Variants in CACNA2D3 observed in about 807,000 individuals in gnomAD.
CACNA2D3 encodes calcium voltage-gated channel auxiliary subunit alpha2delta 3.
A neutral mutation model predicts 160.6 loss-of-function variants in CACNA2D3; 60 were observed. That is an observed-to-expected ratio of 0.37 (90% CI 0.30 to 0.46). The LOEUF (loss-of-function observed/expected upper bound fraction) is 0.46. Among genes scored for constraint, CACNA2D3 ranks in the 20% least tolerant of loss-of-function variants. The pLI, the probability that CACNA2D3 is intolerant of heterozygous loss-of-function variation, is 1.00. For synonymous variants in CACNA2D3, 558 were observed against 492.9 expected, an observed-to-expected ratio of 1.13 and a Z score of -1.75; for missense variants, 1,205 against 1,365.0, an observed-to-expected ratio of 0.88 and a Z score of 1.85.
chr3:54,383,843 C>CT (rs1415571931), intron 3 of CACNA2D3, among the ~76,000 whole-genome samples: 5 of 152,146 alleles, frequency 3.3e-5, no homozygotes, highest in Admixed American at 3.3e-4. Context: ...TTATCAGATG[C>CT]TTTCCAGTGT....
intron 13 of CACNA2D3, among the ~76,000 whole-genome samples, chr3:54,790,706 A>C (rs1478393296): frequency 2.0e-5 from 3 of 152,034 alleles, no homozygotes; most frequent in Non-Finnish European, 4.4e-5. Flanking sequence ...CCACCTTCCA[A>C]GTTCATTGTC....
rs187011768 is a variant in CACNA2D3, at chr3:54,229,587, G to A, written c.205-90855G>A. ...TGGCCTCAGGTGATCCTCTCACCTC[G>A]GCCTCCGAAAGCGCTGGGATTATAG... On this transcript the variant is annotated intron_variant, in intron 2 of 37. Coordinates refer to ENST00000474759, the MANE Select transcript of CACNA2D3 (RefSeq NM_018398.3). Among the ~76,000 whole-genome samples the A allele has an allele frequency of 9.2e-5, 14 of 151,938 alleles. No individual in the cohort carries two copies. The East Asian group carries it at 1.9e-3, about 21-fold the overall frequency.
chr3:54,525,555 A>G (rs1701712303), intron 5 of CACNA2D3, among the ~76,000 whole-genome samples: 1 of 152,110 alleles, frequency 6.6e-6, no homozygotes, highest in South Asian at 2.1e-4. Flanking sequence ...TAATATCTTT[A>G]TTCTATATTC....
chr3:54,404,606 C>G (rs1055221544), intron 4 of CACNA2D3, among the ~76,000 whole-genome samples: 2 of 152,000 alleles, frequency 1.3e-5, no homozygotes, highest in African/African-American at 4.8e-5. Context: ...CACTACTATT[C>G]AACATAGTAC....
intron 11 of CACNA2D3, among the ~76,000 whole-genome samples, chr3:54,748,413 T>C (rs1412681526): frequency 6.6e-6 from 1 of 152,172 alleles, no homozygotes; most frequent in African/African-American, 2.4e-5. Flanking sequence ...GTTTGTTCCA[T>C]TGGGGAAGTT....
intron 13 of CACNA2D3, among the ~76,000 whole-genome samples, chr3:54,771,548 G>A (rs1338489663): frequency 6.6e-6 from 1 of 152,080 alleles, no homozygotes; most frequent in Non-Finnish European, 1.5e-5. Flanking sequence ...TGTCAGCTGG[G>A]GACCACTCCC....
intron 27 of CACNA2D3, among the ~76,000 whole-genome samples, chr3:54,950,571 A>G (rs543389061): frequency 6.6e-6 from 1 of 152,186 alleles, no homozygotes; most frequent in Non-Finnish European, 1.5e-5. Context: ...CAGCAATTCA[A>G]AGAATGCTGC....
chr3:54,126,692 T>C lies in CACNA2D3; in HGVS notation c.204+3098T>C, dbSNP rs187445667. 1.0e-3 allele frequency among the ~76,000 whole-genome samples: 154 copies of C among 152,220 alleles called. 2 individuals are homozygous for C. Among genetic ancestry groups the C allele is most frequent in the Non-Finnish European group, 3.7e-4 (25 of 68,014 alleles). ...TGGGACTTGTCTGTGGGCGCTGGAG[T>C]TCATCTTGAGGGGTTTTAGATGCTG... On this transcript the variant is annotated intron_variant, in intron 2 of 37. Coordinates refer to ENST00000474759, the MANE Select transcript of CACNA2D3 (RefSeq NM_018398.3).
Position 54,801,322 on chromosome 3 carries a change from C to T in CACNA2D3, c.1381-15531C>T, listed in dbSNP as rs180814136. Among the ~76,000 whole-genome samples, 512 of 152,040 alleles carry T rather than the reference C, an allele frequency of 3.4e-3. 3 individuals carry two copies. Among genetic ancestry groups the T allele is most frequent in the African/African-American group, 0.011 (472 of 41,476 alleles). ...TTTAAAAATGAAGGTGTTGGCTTGG[C>T]GGGGGTGGTACAATGAACATCAGAA... On this transcript the variant is annotated intron_variant, in intron 13 of 37. Coordinates refer to ENST00000474759, the MANE Select transcript of CACNA2D3 (RefSeq NM_018398.3).
chr3:54,122,837 T>G lies in CACNA2D3; in HGVS notation c.122+2T>G. The G allele has an allele frequency of 1.6e-6, 2 of 1,228,734 alleles. No homozygotes were observed. Among genetic ancestry groups the G allele is most frequent in the Non-Finnish European group, 2.0e-6 (2 of 980,356 alleles). 76.1% of individuals were successfully genotyped at this position (1,228,734 alleles called of 1,614,324 possible). On this transcript the variant is annotated splice_donor_variant, in intron 1 of 37. Transcript: ENST00000474759. LOFTEE classifies it high-confidence loss of function. ...GGAGCAGCAGATACCGCTCTCCGTG[T>G]AAGTGCCGGCTCCTGCGCCGCCCGG...
intron 21 of CACNA2D3, among the ~76,000 whole-genome samples, chr3:54,882,371 C>CCTCT (rs139886978): frequency 6.6e-6 from 1 of 150,700 alleles, no homozygotes; most frequent in African/African-American, 2.4e-5. Context: ...TCCCTCCCTT[C>CCTCT]CTCTCTCTCT....
At chr3:55,022,367 T>C (rs1474386208) in intron 35 of CACNA2D3, among the ~76,000 whole-genome samples, 1 of 152,264 alleles carries the variant, frequency 6.6e-6, no homozygotes, top group African/African-American at 2.4e-5. Context: ...GCACTAGGAT[T>C]TTGTTTTATA....
At chr3:54,872,071 C>G (rs1699547844) in intron 18 of CACNA2D3, among the ~76,000 whole-genome samples, 1 of 152,216 alleles carries the variant, frequency 6.6e-6, no homozygotes, top group African/African-American at 2.4e-5. Flanking sequence ...CCCTTGTTTT[C>G]AGAGTACAGC....
At chr3:54,957,924 C>G (rs1259320374) in intron 27 of CACNA2D3, among the ~76,000 whole-genome samples, 6 of 152,198 alleles carry the variant, frequency 3.9e-5, no homozygotes, top group Non-Finnish European at 2.9e-5. Context: ...TTTCATTGCT[C>G]TCTGTTGCTC....
At chr3:54,609,972 T>C (rs1164549240) in intron 9 of CACNA2D3, among the ~76,000 whole-genome samples, 4 of 152,188 alleles carry the variant, frequency 2.6e-5, no homozygotes, top group Non-Finnish European at 4.4e-5. Flanking sequence ...AGGTCATGCT[T>C]CCTCGGAAGC....
At chr3:54,766,502 T>C (rs1043136918) in intron 13 of CACNA2D3, among the ~76,000 whole-genome samples, 3 of 152,200 alleles carry the variant, frequency 2.0e-5, no homozygotes, top group African/African-American at 7.2e-5. Flanking sequence ...AGGGACACTC[T>C]TATTCATTGA....
chr3:54,956,363 C>T (rs1701892608), intron 27 of CACNA2D3, among the ~76,000 whole-genome samples: 1 of 152,156 alleles, frequency 6.6e-6, no homozygotes, highest in Admixed American at 6.5e-5. Context: ...TCTTGTTGAC[C>T]CACCACCAAG....
At chr3:54,271,135 G>T (rs987682558) in intron 2 of CACNA2D3, among the ~76,000 whole-genome samples, 8 of 152,248 alleles carry the variant, frequency 5.3e-5, no homozygotes, top group African/African-American at 1.9e-4. Context: ...CCTGATTTTG[G>T]GACCATGTGT....
chr3:54,252,045 C>G (rs923767366), intron 2 of CACNA2D3, among the ~76,000 whole-genome samples: 1 of 148,438 alleles, frequency 6.7e-6, no homozygotes, highest in Non-Finnish European at 1.5e-5. Flanking sequence ...TCCCAAGATA[C>G]ACTGTGTAAA....
Sources: allele counts gnomAD v4.1 joint callset (sites outside exome capture counted in the v4.1 genomes callset), GRCh38; gene constraint gnomAD v4.1.1; transcripts MANE v1.5; gene names NCBI Gene and HGNC (gene_info 2026-07-23, HGNC 2026-07-21).